The following HPSE2 variants were observed in gnomAD, a reference collection of about 807,000 sequenced individuals.
The protein encoded by HPSE2 is inactive heparanase-2.
Under a neutral mutation model 60.5 loss-of-function variants are expected in HPSE2, and 38 were observed. The observed-to-expected ratio is 0.63, with a 90% CI of 0.48 to 0.82. HPSE2 has a LOEUF of 0.82. Among genes scored for constraint, HPSE2 ranks in the 40% least tolerant of loss-of-function variants. The pLI, the probability that HPSE2 is intolerant of heterozygous loss-of-function variation, is 0.00. For synonymous variants in HPSE2, 295 were observed against 293.2 expected, an observed-to-expected ratio of 1.01 and a Z score of -0.06; for missense variants, 713 against 740.4, an observed-to-expected ratio of 0.96 and a Z score of 0.43.
At chr10:98,559,066 C>G (rs1468661535) in intron 9 of HPSE2, among the ~76,000 whole-genome samples, 2 of 152,152 alleles carry the variant, frequency 1.3e-5, no homozygotes, top group African/African-American at 4.8e-5. Flanking sequence ...GGGTCTCAGT[C>G]TGTTGGCCAG....
the HPSE2 span, among the ~76,000 whole-genome samples, chr10:99,295,451 T>G: frequency 6.6e-6 from 1 of 152,198 alleles, no homozygotes; most frequent in Non-Finnish European, 1.5e-5. Flanking sequence ...GTTGTAATGT[T>G]AAGTGAAAAA....
intron 3 of HPSE2, among the ~76,000 whole-genome samples, chr10:98,749,066 T>A (rs1336501): frequency 6.6e-6 from 1 of 151,764 alleles, no homozygotes; most frequent in Non-Finnish European, 1.5e-5. Context: ...AACCAGATTG[T>A]TTTTTTTAAA....
At chr10:98,531,570 G>T (rs187096205) in intron 9 of HPSE2, among the ~76,000 whole-genome samples, 18 of 152,276 alleles carry the variant, frequency 1.2e-4, no homozygotes, top group African/African-American at 4.1e-4. Flanking sequence ...GAATGATCAT[G>T]GCTTATAATT....
intron 3 of HPSE2, among the ~76,000 whole-genome samples, chr10:98,757,267 G>C (rs1317222619): frequency 6.6e-6 from 1 of 152,078 alleles, no homozygotes; most frequent in South Asian, 2.1e-4. Flanking sequence ...TTGAGAACCA[G>C]AACAAGATAA....
the HPSE2 span, among the ~76,000 whole-genome samples, chr10:99,315,312 C>T: frequency 6.6e-6 from 1 of 152,292 alleles, no homozygotes; most frequent in African/African-American, 2.4e-5. Context: ...GTGACAGTCA[C>T]AGGTACTGCT....
intron 3 of HPSE2, among the ~76,000 whole-genome samples, chr10:98,984,072 C>T (rs1342335178): frequency 6.6e-6 from 1 of 152,154 alleles, no homozygotes; most frequent in Non-Finnish European, 1.5e-5. Flanking sequence ...GGGGGCAGAG[C>T]ATAGCAAAAC....
chr10:98,580,357 C>CTT (rs1564985169), intron 9 of HPSE2, among the ~76,000 whole-genome samples: 5 of 151,210 alleles, frequency 3.3e-5, no homozygotes, highest in African/African-American at 1.2e-4. Context: ...TTTCTCTCCT[C>CTT]TGTTCTCTCC....
At chr10:98,482,517 G>T in intron 11 of HPSE2, 119 bp downstream of exon 11, 2 of 1,267,564 alleles carry the variant, frequency 1.6e-6, no homozygotes, top group Non-Finnish European at 2.3e-6. Flanking sequence ...ACCGCTCTTT[G>T]TCCTACTCCA....
At chr10:99,237,974 T>C (rs757319007), upstream of HPSE2, among the ~76,000 whole-genome samples, 1 of 152,218 alleles carries the variant, frequency 6.6e-6, no homozygotes, top group Non-Finnish European at 1.5e-5. Context: ...CAGAACAATG[T>C]GAAAAATAAA....
intron 3 of HPSE2, among the ~76,000 whole-genome samples, chr10:98,941,634 C>A (rs1305764330): frequency 7.3e-6 from 1 of 137,494 alleles, no homozygotes; most frequent in Non-Finnish European, 1.5e-5. Flanking sequence ...GAATCAATAT[C>A]GTGAAAATGG....
At chr10:98,762,034 C>T (rs1950017789) in intron 3 of HPSE2, among the ~76,000 whole-genome samples, 4 of 149,490 alleles carry the variant, frequency 2.7e-5, no homozygotes, top group Non-Finnish European at 5.9e-5. Context: ...CTCTCCTTTC[C>T]TTCCCTTTCT....
At chr10:99,205,458 T>C (rs1254331366) in intron 2 of HPSE2, among the ~76,000 whole-genome samples, 2 of 152,060 alleles carry the variant, frequency 1.3e-5, no homozygotes, top group Non-Finnish European at 1.5e-5. Flanking sequence ...GGCAGGTGCC[T>C]GTAATCCCAG....
At chr10:98,834,275 C>T (rs1033011733) in intron 3 of HPSE2, among the ~76,000 whole-genome samples, 5 of 152,096 alleles carry the variant, frequency 3.3e-5, no homozygotes, top group Non-Finnish European at 4.4e-5. Flanking sequence ...ATGAAATATA[C>T]TAATTCCATT....
At chr10:99,087,412 T>C (rs552348242) in intron 3 of HPSE2, among the ~76,000 whole-genome samples, 29 of 152,324 alleles carry the variant, frequency 1.9e-4, no homozygotes, top group African/African-American at 6.7e-4. Context: ...TGGATACACG[T>C]AAGCAATAAG....
intron 3 of HPSE2, among the ~76,000 whole-genome samples, chr10:99,136,117 G>A (rs1167144923): frequency 2.0e-5 from 3 of 152,056 alleles, no homozygotes; most frequent in African/African-American, 4.8e-5. Flanking sequence ...ACACCTCTAC[G>A]CAAATAAACT....
At chr10:99,012,781 A>T (rs11189933) in intron 3 of HPSE2, among the ~76,000 whole-genome samples, 15,542 of 152,218 alleles carry the variant, frequency 0.1, 850 homozygotes, top group South Asian at 0.19. Flanking sequence ...GGTTATACTG[A>T]TAATAAAGCT....
At chr10:99,085,770 G>A (rs950547433) in intron 3 of HPSE2, among the ~76,000 whole-genome samples, 8 of 152,152 alleles carry the variant, frequency 5.3e-5, no homozygotes, top group African/African-American at 1.7e-4. Flanking sequence ...GGCAAAAGCC[G>A]AATTCCTCAG....
chr10:99,134,445 G>GA (rs1258686993), intron 3 of HPSE2, among the ~76,000 whole-genome samples: 1 of 152,104 alleles, frequency 6.6e-6, no homozygotes, highest in Non-Finnish European at 1.5e-5. Context: ...TGAAATGCAG[G>GA]AAAAAATGTT....
intron 6 of HPSE2, among the ~76,000 whole-genome samples, chr10:98,681,338 G>A (rs918520718): frequency 5.9e-5 from 9 of 152,110 alleles, no homozygotes; most frequent in African/African-American, 1.9e-4. Context: ...ACCAGTGAAT[G>A]TGATTTAAAA....
Sources: allele counts gnomAD v4.1 joint callset (sites outside exome capture counted in the v4.1 genomes callset), GRCh38; gene constraint gnomAD v4.1.1; transcripts MANE v1.5; gene names NCBI Gene and HGNC (gene_info 2026-07-23, HGNC 2026-07-21).